The following AGAP1 variants were observed in gnomAD, a reference collection of about 807,000 sequenced individuals.
The protein encoded by AGAP1 is arf-GAP with GTPase, ANK repeat and PH domain-containing protein 1.
In AGAP1, 29 loss-of-function variants were observed where a neutral mutation model predicts 105.3. The observed-to-expected ratio is 0.28, with a 90% CI of 0.21 to 0.38. The LOEUF (loss-of-function observed/expected upper bound fraction) is 0.38. Ranked by LOEUF, AGAP1 falls within the 10% of genes least tolerant of loss-of-function variation. The pLI, the probability that AGAP1 is intolerant of heterozygous loss-of-function variation, is 1.00. For missense variants in AGAP1, 998 were observed against 1,165.1 expected, an observed-to-expected ratio of 0.86 and a Z score of 2.09; for synonymous variants, 509 against 485.9, an observed-to-expected ratio of 1.05 and a Z score of -0.63.
At position 235,563,587 on chromosome 2, in the gene AGAP1, C is replaced by T. The variant is rs115927083; in HGVS notation, c.163+68738C>T. 6.8e-3 allele frequency among the ~76,000 whole-genome samples: 654 copies of T among 95,492 alleles called. 3 individuals carry two copies. The highest frequency in any genetic ancestry group is 0.027 in the African/African-American group (628 of 23,692). 62.6% of individuals were successfully genotyped at this position (95,492 alleles called of 152,430 possible). On this transcript the variant is annotated intron_variant, in intron 1 of 17. Transcript: ENST00000304032. ...ACTTTATCCTGTGTAAATTATAGCCCGGGCGGGGGGTGGGGGGACTTGGAT... is the reference window on the plus strand; with the variant it reads ...ACTTTATCCTGTGTAAATTATAGCCTGGGCGGGGGGTGGGGGGACTTGGAT...
Position 236,105,698 on chromosome 2 carries a change from A to ATTCTCCCGCGTTCACGCCC in AGAP1, c.2115-14487_2115-14486insGCGTTCACGCCCTTCTCCC, listed in dbSNP as rs2059471290. ...CACGCCATTCTCCCGCGTTCACGCC[A>ATTCTCCCGCGTTCACGCCC]TTCTCCCACCTCAGCCTCCCGAGTA... On this transcript the variant is annotated intron_variant, in intron 16 of 17. Transcript: ENST00000304032. This position sits in a 1 kb window ranked among gnomAD's most constrained non-coding sequence, Gnocchi z 4.2. Among the ~76,000 whole-genome samples the ATTCTCCCGCGTTCACGCCC allele has an allele frequency of 7.3e-6, 1 of 136,290 alleles. No homozygotes were observed. 89.4% of individuals were successfully genotyped at this position (136,290 alleles called of 152,430 possible).
rs961295118 is a variant in AGAP1, at chr2:236,044,300, A to C, written c.1891+3459A>C. ...TGCCTGTTGCCTGCCTTCTGCCAGG[A>C]ACATGCCAAGGAAAGTCCACACCTG... On this transcript the variant is annotated intron_variant, in intron 15 of 17. Transcript: ENST00000304032. This position sits in a 1 kb window ranked among gnomAD's most constrained non-coding sequence, Gnocchi z 5.7. 6.6e-6 allele frequency among the ~76,000 whole-genome samples: 1 copy of C among 152,032 alleles called. No homozygotes were observed. The highest frequency in any genetic ancestry group is 1.5e-5 in the Non-Finnish European group (1 of 68,002).
Position 236,005,969 on chromosome 2 carries a change from G to A in AGAP1, c.1646-30592G>A, listed in dbSNP as rs1559183873. On this transcript the variant is annotated intron_variant, in intron 13 of 17. Transcript: ENST00000304032. The surrounding 1 kb of genome is among the most constrained non-coding windows in gnomAD (Gnocchi z 4.1). ...AAGGAAGTCACTGTGCACTTAAGGAGTTGGGCGTTAGACCCCCTGTCCTTG... is the reference window on the plus strand; with the variant it reads ...AAGGAAGTCACTGTGCACTTAAGGAATTGGGCGTTAGACCCCCTGTCCTTG... 6.6e-6 allele frequency among the ~76,000 whole-genome samples: 1 copy of A among 152,214 alleles called. No individual in the cohort carries two copies.
At chr2:235,598,028 T>G (rs1182925773) in intron 1 of AGAP1, among the ~76,000 whole-genome samples, 11 of 134,990 alleles carry the variant, frequency 8.1e-5, no homozygotes, top group Admixed American at 1.4e-4. Flanking sequence ...GTTTCCTTTG[T>G]GTGGAGCGTG....
intron 2 of AGAP1, among the ~76,000 whole-genome samples, chr2:235,710,814 G>T (rs534233176): frequency 2.0e-5 from 3 of 152,276 alleles, no homozygotes; most frequent in East Asian, 3.9e-4. Context: ...TGCCACTCGG[G>T]TGCTGTGATG....
chr2:235,579,492 TTG>T (rs1287263632), intron 1 of AGAP1, among the ~76,000 whole-genome samples: 13 of 152,108 alleles, frequency 8.5e-5, no homozygotes, highest in Non-Finnish European at 1.8e-4. Flanking sequence ...AAGTGAACAC[TTG>T]GCCAGGCGTG....
chr2:235,802,897 ATGG>A (rs1957588565), intron 8 of AGAP1, among the ~76,000 whole-genome samples: 1 of 127,972 alleles, frequency 7.8e-6, no homozygotes, highest in Non-Finnish European at 1.6e-5. Flanking sequence ...GATGGTGATG[ATGG>A]TTGTGATGGT....
intron 6 of AGAP1, among the ~76,000 whole-genome samples, chr2:235,782,857 T>C (rs1002245013): frequency 1.3e-5 from 2 of 152,202 alleles, no homozygotes; most frequent in Non-Finnish European, 2.9e-5. Flanking sequence ...GTAAACCTAC[T>C]GATTGTGTTT....
Position 236,002,807 on chromosome 2 carries a change from A to G in AGAP1, c.1646-33754A>G, listed in dbSNP as rs548561420. On this transcript the variant is annotated intron_variant, in intron 13 of 17. Coordinates refer to ENST00000304032, the MANE Select transcript of AGAP1 (RefSeq NM_001037131.3). This position sits in a 1 kb window ranked among gnomAD's most constrained non-coding sequence, Gnocchi z 4.3. Reference sequence around the variant, plus strand: ...TAGATTTCTATAAATATAAATATTTATATGATATTTCTTGCGTTGAATTCA... The same window carrying G: ...TAGATTTCTATAAATATAAATATTTGTATGATATTTCTTGCGTTGAATTCA... Among the ~76,000 whole-genome samples the G allele has an allele frequency of 2.6e-4, 39 of 152,328 alleles. No individual in the cohort carries two copies. In the South Asian group the frequency reaches 7.9e-3, roughly 31 times the overall value.
rs911286612 is a variant in AGAP1 at position 236,083,865 on chromosome 2, A to G, written c.2114+34584A>G. On this transcript the variant is annotated intron_variant, in intron 16 of 17. Transcript: ENST00000304032. This position sits in a 1 kb window ranked among gnomAD's most constrained non-coding sequence, Gnocchi z 5.3. ...CTGCCCTCAATTAAATGAATCCGAG[A>G]TAAATGGGCATGTGCGTGTGTATGC... Among the ~76,000 whole-genome samples, 4 of 152,212 alleles carry G rather than the reference A, an allele frequency of 2.6e-5. No homozygotes were observed. Among genetic ancestry groups the G allele is most frequent in the African/African-American group, 9.7e-5 (4 of 41,446 alleles).
At chr2:235,766,780 C>T (rs745387659) in intron 6 of AGAP1, among the ~76,000 whole-genome samples, 24 of 152,106 alleles carry the variant, frequency 1.6e-4, no homozygotes, top group Admixed American at 2.6e-4. Context: ...CTGGCTCTGT[C>T]GCCCAGGCTA....
In AGAP1 at chr2:235,703,973, G is replaced by A. The variant is rs541131727; in HGVS notation, c.164-5206G>A. ...TACAGGGGTGAGCCACCTCGCGCCC[G>A]ACCAGAAATGCTTCTATTTTATGGT... On this transcript the variant is annotated intron_variant, in intron 1 of 17. Coordinates refer to ENST00000304032, the MANE Select transcript of AGAP1 (RefSeq NM_001037131.3). Among the ~76,000 whole-genome samples the A allele has an allele frequency of 4.6e-5, 7 of 152,246 alleles. No homozygotes were observed. In the South Asian group the frequency reaches 1.5e-3, roughly 32 times the overall value.
intron 9 of AGAP1, among the ~76,000 whole-genome samples, chr2:235,810,434 T>G (rs1033464126): frequency 1.3e-5 from 2 of 151,824 alleles, no homozygotes; most frequent in Non-Finnish European, 2.9e-5. Flanking sequence ...CCCAGCAACC[T>G]GCGTGGAGTT....
intron 1 of AGAP1, among the ~76,000 whole-genome samples, chr2:235,648,136 G>A (rs1480791728): frequency 6.6e-6 from 1 of 152,178 alleles, no homozygotes; most frequent in Admixed American, 6.5e-5. Context: ...TGACTGGGGG[G>A]TGTCCATCCC....
At chr2:235,903,444 T>G (rs2051156938) in intron 10 of AGAP1, among the ~76,000 whole-genome samples, 1 of 152,232 alleles carries the variant, frequency 6.6e-6, no homozygotes, top group Non-Finnish European at 1.5e-5. Flanking sequence ...CTTTAAGATC[T>G]TGTTAACTGC....
intron 13 of AGAP1, among the ~76,000 whole-genome samples, chr2:235,991,363 A>G (rs1005249498): frequency 1.8e-4 from 27 of 152,182 alleles, no homozygotes; most frequent in Non-Finnish European, 2.6e-4. Context: ...AGCATGATCA[A>G]TCAGAAAATT....
chr2:235,767,858 C>T (rs1955102255), intron 6 of AGAP1, among the ~76,000 whole-genome samples: 1 of 137,468 alleles, frequency 7.3e-6, no homozygotes. Flanking sequence ...GATTTGGACT[C>T]ACTGCAACCT....
chr2:236,076,444 C>CA lies in AGAP1; in HGVS notation c.2114+27172dup, dbSNP rs529638302. 1.9e-4 allele frequency among the ~76,000 whole-genome samples: 29 copies of CA among 150,396 alleles called. No homozygotes were observed. Among genetic ancestry groups the CA allele is most frequent in the South Asian group, 1.9e-3 (9 of 4,754 alleles). ...TGGGTGACAGAGTGAGACTCCATCT[C>CA]AAAAAAAAATAAAGTCTTGAGAATG... On this transcript the variant is annotated intron_variant, in intron 16 of 17. Coordinates refer to ENST00000304032, the MANE Select transcript of AGAP1 (RefSeq NM_001037131.3). The surrounding 1 kb of genome is among the most constrained non-coding windows in gnomAD (Gnocchi z 4.4).
chr2:235,837,658 A>G (rs1468774297), intron 9 of AGAP1, among the ~76,000 whole-genome samples: 2 of 152,212 alleles, frequency 1.3e-5, no homozygotes, highest in Non-Finnish European at 2.9e-5. Context: ...GCATATAACA[A>G]CAGCTCACTA....
Sources: allele counts gnomAD v4.1 joint callset (sites outside exome capture counted in the v4.1 genomes callset), GRCh38; gene constraint gnomAD v4.1.1; non-coding constraint Gnocchi (gnomAD v3.1); transcripts MANE v1.5; gene names NCBI Gene and HGNC (gene_info 2026-07-23, HGNC 2026-07-21).